Variants in RXRA observed in about 807,000 individuals in gnomAD.
RXRA encodes the protein retinoid X receptor alpha.
A neutral mutation model predicts 44.5 loss-of-function variants in RXRA; 5 were observed. That is an observed-to-expected ratio of 0.11 (90% CI 0.06 to 0.24). The LOEUF is 0.24. Among genes scored for constraint, RXRA ranks in the 10% least tolerant of loss-of-function variants. RXRA has a pLI of 1.00. For missense variants in RXRA, 412 were observed against 646.5 expected (o/e 0.64, Z 3.93); for synonymous variants, 291 against 271.4 (o/e 1.07, Z -0.71).
rs1409447634 is a variant in RXRA at position 134,417,323 on chromosome 9, G to C, written c.776G>C (p.Ser259Thr). 1 of 1,613,212 alleles carries C rather than the reference G, an allele frequency of 6.2e-7. No homozygotes were observed. Among genetic ancestry groups the C allele is most frequent in the African/African-American group, 1.3e-5 (1 of 74,924 alleles). The change falls in exon 5 of 10, where the codon AGC (serine) becomes ACC (threonine). Residue 259 changes from serine to threonine, a missense_variant. By Grantham distance (58) the Ser-to-Thr change is moderately conservative. Coordinates refer to ENST00000481739, the MANE Select transcript of RXRA (RefSeq NM_002957.6). The surrounding 1 kb of genome is among the most constrained non-coding windows in gnomAD (Gnocchi z 6.1). ...GAGGCAAACATGGGGCTGAACCCCA[G>C]CTCGGTGAGTTGCAGCCTGTGCAGG... ...YVEANMGLNP[S>T]SPNDPVTNIC...
chr9:134,425,168 G>A, intron 6 of RXRA: 1 of 985,402 alleles, frequency 1.0e-6, no homozygotes, highest in South Asian at 4.7e-5. Flanking sequence ...GCCCTGCAGG[G>A]GCCCAGAAAC....
intron 1 of RXRA, among the ~76,000 whole-genome samples, chr9:134,339,051 G>A (rs1161090931): frequency 6.6e-6 from 1 of 152,256 alleles, no homozygotes; most frequent in Admixed American, 6.5e-5. Flanking sequence ...GGGACTTGGA[G>A]CCGGACCTAG....
chr9:134,364,418 G>T (rs1051080151), intron 1 of RXRA, among the ~76,000 whole-genome samples: 4 of 152,238 alleles, frequency 2.6e-5, no homozygotes, highest in African/African-American at 9.6e-5. Context: ...AGGGCCTAGG[G>T]TCGGTGTCTT....
At position 134,421,728 on chromosome 9, in the gene RXRA, C is replaced by T. The variant is rs1170053217; in HGVS notation, c.833C>T (p.Thr278Ile). ...ICQAADKQLF[T>I]LVEWAKRIPH... is the part of the protein sequence containing the mutation. ...CAAGCAGCCGACAAACAGCTTTTCA[C>T]CCTGGTGGAGTGGGCCAAGCGGATC... is the stretch of plus-strand genomic sequence containing the variant. Residue 278 changes from threonine to isoleucine, a missense_variant, in exon 6 of 10, where the codon ACC (threonine) becomes ATC (isoleucine). This residue lies in a region of RXRA where 141 missense variants were observed against 270.8 expected (regional missense o/e 0.52). Coordinates refer to ENST00000481739, the MANE Select transcript of RXRA (RefSeq NM_002957.6). The T allele has an allele frequency of 3.1e-6, 5 of 1,588,266 alleles. No individual in the cohort carries two copies. The highest frequency in any genetic ancestry group is 1.7e-5 in the Admixed American group (1 of 58,322).
intron 2 of RXRA, chr9:134,404,912 G>A (rs542074740): frequency 6.6e-6 from 1 of 152,532 alleles, no homozygotes; most frequent in Admixed American, 6.5e-5. Flanking sequence ...GACCTGGGTG[G>A]GGCATCGAGG....
chr9:134,370,244 G>A (rs947497612), intron 1 of RXRA, among the ~76,000 whole-genome samples: 4 of 152,196 alleles, frequency 2.6e-5, no homozygotes, highest in Non-Finnish European at 5.9e-5. Flanking sequence ...GGGAGCACAC[G>A]CTCTGAGCTT....
chr9:134,362,317 ACT>A (rs1172825108), intron 1 of RXRA, among the ~76,000 whole-genome samples: 1 of 150,540 alleles, frequency 6.6e-6, no homozygotes, highest in East Asian at 2.0e-4. Flanking sequence ...TCCTTCGAAG[ACT>A]CTTGCTCATC....
At chr9:134,403,477 C>T (rs946349892) in intron 2 of RXRA, 4 of 152,354 alleles carry the variant, frequency 2.6e-5, no homozygotes, top group African/African-American at 9.6e-5. Context: ...TCGGCTTCCG[C>T]CTGTCCCTTG....
intron 1 of RXRA, among the ~76,000 whole-genome samples, chr9:134,362,286 C>T (rs1393361487): frequency 6.6e-6 from 1 of 152,192 alleles, no homozygotes; most frequent in Non-Finnish European, 1.5e-5. Flanking sequence ...ACCCTGAACC[C>T]CCTCCCTGCC....
intron 1 of RXRA, among the ~76,000 whole-genome samples, chr9:134,377,822 C>T (rs544624347): frequency 6.6e-6 from 1 of 152,360 alleles, no homozygotes; most frequent in African/African-American, 2.4e-5. Flanking sequence ...GAAGCCATCT[C>T]GCTGCCCCCC....
At chr9:134,384,993 A>G (rs1346451371) in intron 1 of RXRA, among the ~76,000 whole-genome samples, 1 of 152,182 alleles carries the variant, frequency 6.6e-6, no homozygotes, top group Admixed American at 6.5e-5. Flanking sequence ...CTGGTTGGGC[A>G]GGCAGGAAGC....
intron 1 of RXRA, among the ~76,000 whole-genome samples, chr9:134,395,907 G>A (rs1319665694): frequency 6.6e-6 from 1 of 152,232 alleles, no homozygotes; most frequent in African/African-American, 2.4e-5. Flanking sequence ...GGCCACCTGA[G>A]CTGTAAGCTG....
intron 1 of RXRA, among the ~76,000 whole-genome samples, chr9:134,395,802 A>G (rs1014565334): frequency 2.0e-4 from 31 of 152,380 alleles, no homozygotes; most frequent in African/African-American, 6.0e-4. Context: ...AGGAGGGCCA[A>G]TCTGGCCTGT....
In RXRA at chr9:134,355,949, C is replaced by T. The variant is rs1342478452; in HGVS notation, c.28+29290C>T. 2.6e-5 allele frequency among the ~76,000 whole-genome samples: 4 copies of T among 152,022 alleles called. No homozygotes were observed. The East Asian group carries it at 7.8e-4, about 30-fold the overall frequency. ...GTGTCAGACAAGCCCTGGGGGAGGGCAGCTGAGGGGGTGGGGGGCAGCTCC... is the reference window on the plus strand; with the variant it reads ...GTGTCAGACAAGCCCTGGGGGAGGGTAGCTGAGGGGGTGGGGGGCAGCTCC... On this transcript the variant is annotated intron_variant, in intron 1 of 9. Coordinates refer to ENST00000481739, the MANE Select transcript of RXRA (RefSeq NM_002957.6).
At chr9:134,423,672 G>GTGGC (rs1441997992) in intron 6 of RXRA, 43 of 985,378 alleles carry the variant, frequency 4.4e-5, no homozygotes, top group Non-Finnish European at 5.1e-5. Flanking sequence ...CCTGAGGCAT[G>GTGGC]TGGCTGTCTG....
rs1328299795 is a variant in RXRA at position 134,436,646 on chromosome 9, T to C, written c.*32T>C. ...GGGCCCATCCTTTGTGCCCACCCGT[T>C]CTGGCCACCCTGCCTGGACGCCAGC... is the stretch of plus-strand genomic sequence containing the variant. On this transcript the variant is annotated 3_prime_UTR_variant, in exon 10 of 10. Transcript: ENST00000481739. 1.2e-6 allele frequency: 2 copies of C among 1,612,062 alleles called. No homozygotes were observed.
rs574141394 is a variant in RXRA at position 134,337,555 on chromosome 9, T to C, written c.28+10896T>C. 3.0e-4 allele frequency among the ~76,000 whole-genome samples: 45 copies of C among 152,204 alleles called. No individual in the cohort carries two copies. The Middle Eastern group carries it at 0.01, about 35-fold the overall frequency. On this transcript the variant is annotated intron_variant, in intron 1 of 9. Transcript: ENST00000481739. ...TGACCCCAGTCTGGGGTGGAGATGG[T>C]GTGTGAGCGTGGTGGTGGGAGGAGG...
intron 1 of RXRA, among the ~76,000 whole-genome samples, chr9:134,353,955 C>G (rs1830252519): frequency 6.6e-6 from 1 of 152,144 alleles, no homozygotes; most frequent in African/African-American, 2.4e-5. Context: ...TGGATGAGAG[C>G]TAAGGGTGCC....
intron 4 of RXRA, among the ~76,000 whole-genome samples, chr9:134,411,442 A>G (rs1831147260): frequency 6.6e-6 from 1 of 152,184 alleles, no homozygotes; most frequent in South Asian, 2.1e-4. Flanking sequence ...TGATCCCCAC[A>G]CATGGTCTCA....
Sources: allele counts gnomAD v4.1 joint callset (sites outside exome capture counted in the v4.1 genomes callset), GRCh38; gene constraint gnomAD v4.1.1; regional missense constraint gnomAD v4.1.1; non-coding constraint Gnocchi (gnomAD v3.1); transcripts MANE v1.5; gene names NCBI Gene and HGNC (gene_info 2026-07-23, HGNC 2026-07-21).